Variants in MACROD2 observed in about 807,000 individuals in gnomAD.
The protein encoded by MACROD2 is ADP-ribose glycohydrolase MACROD2.
A neutral mutation model predicts 70.4 loss-of-function variants in MACROD2; 36 were observed. That is an observed-to-expected ratio of 0.51 (90% confidence interval 0.39 to 0.68). The LOEUF is 0.68. Ranked by LOEUF, MACROD2 falls within the 30% of genes least tolerant of loss-of-function variation. MACROD2 has a pLI of 0.00. For synonymous variants in MACROD2, 172 were observed against 178.8 expected (o/e 0.96, Z 0.30); for missense variants, 496 against 538.4 (o/e 0.92, Z 0.78).
intron 6 of MACROD2, among the ~76,000 whole-genome samples, chr20:15,248,168 T>A (rs1261784178): frequency 6.6e-6 from 1 of 152,142 alleles, no homozygotes; most frequent in Non-Finnish European, 1.5e-5. Flanking sequence ...GAACTTGAGG[T>A]CAGCGCATCT....
chr20:15,622,808 G>T (rs2049147758), intron 8 of MACROD2, among the ~76,000 whole-genome samples: 1 of 152,102 alleles, frequency 6.6e-6, no homozygotes, highest in Admixed American at 6.5e-5. Context: ...ACGGTGTATT[G>T]TTATAATTGT....
At chr20:15,824,296 T>C (rs552329285) in intron 8 of MACROD2, among the ~76,000 whole-genome samples, 2 of 152,274 alleles carry the variant, frequency 1.3e-5, no homozygotes, top group South Asian at 4.1e-4. Flanking sequence ...AATGTGTGTG[T>C]TATTTTCTCA....
chr20:15,450,373 A>G (rs1449664921), intron 7 of MACROD2, among the ~76,000 whole-genome samples: 1 of 151,994 alleles, frequency 6.6e-6, no homozygotes, highest in African/African-American at 2.4e-5. Context: ...AGTACTGCCC[A>G]TTTCTTTCCC....
intron 3 of MACROD2, among the ~76,000 whole-genome samples, chr20:14,293,610 C>G (rs886790152): frequency 6.6e-6 from 1 of 151,754 alleles, no homozygotes; most frequent in Non-Finnish European, 1.5e-5. Flanking sequence ...GAGAGGTGAG[C>G]AGGGACTGCA....
intron 5 of MACROD2, among the ~76,000 whole-genome samples, chr20:15,219,045 CAA>C (rs1342587848): frequency 7.1e-6 from 1 of 140,340 alleles, no homozygotes; most frequent in African/African-American, 2.6e-5. Context: ...GACTCCGTCT[CAA>C]AAAAAAAAAA....
intron 3 of MACROD2, among the ~76,000 whole-genome samples, chr20:14,231,628 G>A (rs1011014747): frequency 6.6e-6 from 1 of 152,170 alleles, no homozygotes; most frequent in African/African-American, 2.4e-5. Context: ...ATAGCAGCAT[G>A]ATTTATAATC....
chr20:15,589,523 G>C (rs753257682), intron 8 of MACROD2, among the ~76,000 whole-genome samples: 76 of 152,220 alleles, frequency 5.0e-4, no homozygotes, highest in Non-Finnish European at 9.3e-4. Context: ...AACCTACATT[G>C]ACATGTCATT....
intron 3 of MACROD2, among the ~76,000 whole-genome samples, chr20:14,374,171 A>G (rs555842679): frequency 1.3e-5 from 2 of 152,178 alleles, no homozygotes; most frequent in Non-Finnish European, 2.9e-5. Flanking sequence ...TTTAGAGCTT[A>G]ATGTATTGAT....
At chr20:15,166,884 TTTAAGTA>T (rs1426128140) in intron 5 of MACROD2, among the ~76,000 whole-genome samples, 2 of 150,770 alleles carry the variant, frequency 1.3e-5, no homozygotes, top group Admixed American at 1.3e-4. Context: ...ACTTATTAAA[TTTAAGTA>T]TTAAGTATTA....
intron 4 of MACROD2, among the ~76,000 whole-genome samples, chr20:14,586,780 A>T (rs751615488): frequency 1.3e-5 from 2 of 151,890 alleles, no homozygotes; most frequent in Non-Finnish European, 2.9e-5. Flanking sequence ...ACATATATTG[A>T]GGTTTATTTT....
intron 3 of MACROD2, among the ~76,000 whole-genome samples, chr20:14,165,929 T>A (rs2055262129): frequency 6.6e-6 from 1 of 152,226 alleles, no homozygotes; most frequent in Non-Finnish European, 1.5e-5. Flanking sequence ...TCTCTAGTGT[T>A]ACTGTTACCA....
chr20:14,700,055 G>A lies in MACROD2; in HGVS notation c.418+15096G>A, dbSNP rs534707670. On this transcript the variant is annotated intron_variant, in intron 5 of 17. Coordinates refer to ENST00000684519, the MANE Select transcript of MACROD2 (RefSeq NM_001351661.2). The stretch of plus-strand genomic sequence containing the variant: ...TAAAGTTTAAAGTTTAAATCTAGAA[G>A]TTTAAAGTTTAAATCTAGAAATTTA... 5.5e-4 allele frequency among the ~76,000 whole-genome samples: 84 copies of A among 151,670 alleles called. 2 individuals carry two copies. The South Asian group carries it at 0.016, about 29-fold the overall frequency.
intron 8 of MACROD2, among the ~76,000 whole-genome samples, chr20:15,692,866 G>A (rs1421941520): frequency 2.0e-5 from 3 of 152,148 alleles, no homozygotes; most frequent in Non-Finnish European, 4.4e-5. Flanking sequence ...AACCACATGG[G>A]TAGGGAGGAG....
intron 5 of MACROD2, among the ~76,000 whole-genome samples, chr20:15,019,429 T>G (rs138404324): frequency 6.6e-6 from 1 of 152,136 alleles, no homozygotes; most frequent in Non-Finnish European, 1.5e-5. Flanking sequence ...CTACAAAGCC[T>G]TTTTCCACTA....
intron 3 of MACROD2, among the ~76,000 whole-genome samples, chr20:14,142,514 C>T (rs2054889927): frequency 6.6e-6 from 1 of 152,182 alleles, no homozygotes; most frequent in Non-Finnish European, 1.5e-5. Context: ...GCATGTCTGG[C>T]TTGTTAGCAG....
At chr20:15,104,457 C>T (rs1305653864) in intron 5 of MACROD2, among the ~76,000 whole-genome samples, 1 of 152,082 alleles carries the variant, frequency 6.6e-6, no homozygotes, top group African/African-American at 2.4e-5. Context: ...GCTATAAACC[C>T]ATAAACAAAT....
intron 3 of MACROD2, chr20:14,325,828 G>A (rs1395820876): frequency 6.2e-7 from 1 of 1,613,914 alleles, no homozygotes; most frequent in Non-Finnish European, 8.5e-7. Context: ...ACAGTTCCTT[G>A]AGAAGAGCGA....
chr20:15,196,435 C>T (rs1040913268), intron 5 of MACROD2, among the ~76,000 whole-genome samples: 2 of 151,976 alleles, frequency 1.3e-5, no homozygotes, highest in African/African-American at 2.4e-5. Flanking sequence ...CAATTTTACC[C>T]GAGATGTTAG....
chr20:15,077,966 A>G (rs2075671737), intron 5 of MACROD2, among the ~76,000 whole-genome samples: 2 of 151,864 alleles, frequency 1.3e-5, no homozygotes, highest in South Asian at 2.1e-4. Flanking sequence ...AGCTCACAGG[A>G]CTCAATGCGG....
Sources: gnomAD v4.1 joint callset for allele counts (sites outside exome capture counted in the v4.1 genomes callset) on GRCh38, gnomAD v4.1.1 for gene constraint, MANE v1.5 for transcripts, NCBI Gene and HGNC (gene_info 2026-07-23, HGNC 2026-07-21) for gene names.